Variants in CPNE4 observed in about 807,000 individuals in gnomAD.
CPNE4 encodes the protein copine-4.
In CPNE4, 25 loss-of-function variants were observed where a neutral mutation model predicts 67.9. That is an observed-to-expected ratio of 0.37 (90% CI 0.27 to 0.51). The LOEUF (loss-of-function observed/expected upper bound fraction) is 0.51. Among genes scored for constraint, CPNE4 ranks in the 20% least tolerant of loss-of-function variants. The pLI is 0.93. For missense variants in CPNE4, 464 were observed against 690.8 expected (o/e 0.67, Z 3.68); for synonymous variants, 242 against 244.9 (o/e 0.99, Z 0.11).
chr3:131,567,904 C>T (rs1291139716), intron 10 of CPNE4, among the ~76,000 whole-genome samples: 2 of 151,934 alleles, frequency 1.3e-5, no homozygotes, highest in African/African-American at 4.8e-5. Flanking sequence ...TTCAAACATG[C>T]CTGGTGGAAA....
At chr3:131,837,025 T>C (rs574163776) in intron 2 of CPNE4, among the ~76,000 whole-genome samples, 2 of 152,300 alleles carry the variant, frequency 1.3e-5, no homozygotes, top group South Asian at 4.1e-4. Context: ...CACAATGAGA[T>C]ACTACTACAC....
intron 4 of CPNE4, among the ~76,000 whole-genome samples, chr3:131,698,985 T>C (rs6783129): frequency 0.14 from 20,609 of 151,516 alleles, 1,624 homozygotes; most frequent in African/African-American, 0.2. Context: ...AAGAGGTTCG[T>C]TTTCTGGCAA....
In CPNE4 at chr3:131,587,578, A is replaced by C; in HGVS notation, c.686T>G (p.Ile229Arg). The change falls in exon 8 of 16, where the codon ATA becomes AGA. Residue 229 changes from isoleucine to arginine, a missense_variant. By Grantham distance (97) the Ile-to-Arg change is moderately conservative. This residue lies in a region of CPNE4 where 58 missense variants were observed against 63.5 expected (regional missense o/e 0.91). Transcript: ENST00000429747. Reference protein sequence around the residue: ...SGDPDRRLKCIVWDWDSNGKH... With the variant: ...SGDPDRRLKCRVWDWDSNGKH... ...GCCATTGGAGTCCCAGTCCCATACTATGCACTGTAAGAGAAAACAATGATC... is the reference window on the plus strand; with the variant it reads ...GCCATTGGAGTCCCAGTCCCATACTCTGCACTGTAAGAGAAAACAATGATC... The C allele has an allele frequency of 6.2e-7, 1 of 1,606,244 alleles. No homozygotes were observed. Among genetic ancestry groups the C allele is most frequent in the Non-Finnish European group, 8.5e-7 (1 of 1,173,164 alleles).
chr3:131,750,893 T>A (rs1289990800), intron 2 of CPNE4, among the ~76,000 whole-genome samples: 2 of 152,124 alleles, frequency 1.3e-5, no homozygotes, highest in Admixed American at 6.5e-5. Flanking sequence ...TTCTCTTTCA[T>A]CCCTGAAGGA....
intron 2 of CPNE4, among the ~76,000 whole-genome samples, chr3:131,731,523 C>G (rs1316107137): frequency 6.6e-6 from 1 of 152,122 alleles, no homozygotes; most frequent in Non-Finnish European, 1.5e-5. Context: ...TGCTGCGTGT[C>G]CTCTATAGCT....
chr3:131,750,366 G>A (rs1305229380), intron 2 of CPNE4, among the ~76,000 whole-genome samples: 1 of 151,884 alleles, frequency 6.6e-6, no homozygotes, highest in African/African-American at 2.4e-5. Flanking sequence ...TATTGTTTTT[G>A]TTTGTTTTCT....
At chr3:131,965,452 C>A (rs1325043561) in intron 1 of CPNE4, among the ~76,000 whole-genome samples, 2 of 152,070 alleles carry the variant, frequency 1.3e-5, no homozygotes, top group Non-Finnish European at 2.9e-5. Context: ...GAATCAAGAC[C>A]CACTGGTGTG....
At chr3:131,749,337 T>C (rs1408972156) in intron 2 of CPNE4, among the ~76,000 whole-genome samples, 1 of 152,192 alleles carries the variant, frequency 6.6e-6, no homozygotes, top group East Asian at 1.9e-4. Flanking sequence ...ATTTCAATTA[T>C]TTTAAATTTG....
chr3:131,566,140 T>C (rs754140021), intron 10 of CPNE4, among the ~76,000 whole-genome samples: 1 of 151,888 alleles, frequency 6.6e-6, no homozygotes, highest in Non-Finnish European at 1.5e-5. Flanking sequence ...GGACTTCTCA[T>C]GGGTATAATT....
At chr3:131,985,913 G>T (rs1214467206) in intron 1 of CPNE4, 1 of 154,158 alleles carries the variant, frequency 6.5e-6, no homozygotes, top group South Asian at 2.0e-4. Flanking sequence ...ATAATGGGAT[G>T]ATGGCCTAAA....
chr3:131,832,659 G>C (rs1236087661), intron 2 of CPNE4, among the ~76,000 whole-genome samples: 1 of 152,128 alleles, frequency 6.6e-6, no homozygotes, highest in Non-Finnish European at 1.5e-5. Flanking sequence ...TTGTATTTTG[G>C]AAGCACATAC....
chr3:131,660,034 T>C (rs1223066834), intron 7 of CPNE4, among the ~76,000 whole-genome samples: 1 of 152,212 alleles, frequency 6.6e-6, no homozygotes, highest in Non-Finnish European at 1.5e-5. Context: ...CTCTGTGGCA[T>C]TAAGTATATT....
chr3:131,642,891 T>G (rs796139765), intron 7 of CPNE4, among the ~76,000 whole-genome samples: 7 of 152,262 alleles, frequency 4.6e-5, no homozygotes, highest in African/African-American at 1.7e-4. Context: ...CATAGCATCA[T>G]AGAATGGACT....
At chr3:131,905,648 T>C (rs1240626082) in intron 1 of CPNE4, among the ~76,000 whole-genome samples, 2 of 152,204 alleles carry the variant, frequency 1.3e-5, no homozygotes, top group East Asian at 3.9e-4. Context: ...CAGGTGCTGC[T>C]GCACTTGGTT....
intron 2 of CPNE4, among the ~76,000 whole-genome samples, chr3:131,812,234 A>AC (rs397786043): frequency 4.7e-5 from 7 of 149,306 alleles, no homozygotes; most frequent in Admixed American, 3.3e-4. Context: ...AAAAAAAAAA[A>AC]CAGGAAGCAT....
At chr3:131,849,910 T>A (rs1035056034) in intron 2 of CPNE4, among the ~76,000 whole-genome samples, 3 of 152,236 alleles carry the variant, frequency 2.0e-5, no homozygotes, top group African/African-American at 7.2e-5. Flanking sequence ...TTCCACAACA[T>A]CATTGTAGCA....
At chr3:131,580,660 G>C (rs1937768123) in intron 9 of CPNE4, among the ~76,000 whole-genome samples, 1 of 151,860 alleles carries the variant, frequency 6.6e-6, no homozygotes, top group African/African-American at 2.4e-5. Context: ...TCAGGGTTGT[G>C]GTAAGAATTA....
chr3:131,740,340 A>G (rs1238465655), intron 2 of CPNE4, among the ~76,000 whole-genome samples: 1 of 152,224 alleles, frequency 6.6e-6, no homozygotes, highest in African/African-American at 2.4e-5. Context: ...TAAATAAAAT[A>G]TATGAATGGA....
chr3:131,624,741 G>A (rs1423614344), intron 7 of CPNE4, among the ~76,000 whole-genome samples: 1 of 152,104 alleles, frequency 6.6e-6, no homozygotes, highest in African/African-American at 2.4e-5. Flanking sequence ...GTGCTTTCTA[G>A]TTTCTTCAGC....
Sources: allele counts gnomAD v4.1 joint callset (sites outside exome capture counted in the v4.1 genomes callset), GRCh38; gene constraint gnomAD v4.1.1; regional missense constraint gnomAD v4.1.1; transcripts MANE v1.5; gene names NCBI Gene and HGNC (gene_info 2026-07-23, HGNC 2026-07-21).